Variants in SQSTM1 observed in about 807,000 individuals in gnomAD.
The protein encoded by SQSTM1 is sequestosome 1.
Under a neutral mutation model 45.1 loss-of-function variants are expected in SQSTM1, and 36 were observed. The observed-to-expected ratio is 0.80, with a 90% CI of 0.61 to 1.05. The LOEUF is 1.05. SQSTM1 is among the 50% of genes least tolerant of loss of function. The pLI is 0.00. For synonymous variants in SQSTM1, 290 were observed against 244.3 expected (o/e 1.19, Z -1.74); for missense variants, 617 against 607.1 (o/e 1.02, Z -0.17).
intron 4 of SQSTM1, among the ~76,000 whole-genome samples, chr5:179,824,608 G>A (rs1450526354): frequency 6.6e-6 from 1 of 152,214 alleles, no homozygotes; most frequent in Non-Finnish European, 1.5e-5. Flanking sequence ...CAGGCAGGGA[G>A]GCCCTTCCAG....
chr5:179,836,808 C>T lies in SQSTM1; in HGVS notation c.*215C>T. The T allele has an allele frequency of 1.3e-6, 1 of 754,254 alleles. No homozygotes were observed. The highest frequency in any genetic ancestry group is 2.2e-6 in the Non-Finnish European group (1 of 450,252). The allele number at this position is 754,254 out of a possible 1,614,324, so 46.7% of individuals were successfully genotyped here. A position where few individuals can be genotyped will look rare whatever the true frequency, so the allele number is the denominator to read the frequency against. On this transcript the variant is annotated 3_prime_UTR_variant, in exon 8 of 8. Coordinates refer to ENST00000389805, the MANE Select transcript of SQSTM1 (RefSeq NM_003900.5). ...TGATGTTTCCTGGGTGCCCTGGCTCCTTGCAGCAGGGCTGGGCCTGCGAGA... is the reference window on the plus strand; with the variant it reads ...TGATGTTTCCTGGGTGCCCTGGCTCTTTGCAGCAGGGCTGGGCCTGCGAGA...
intron 5 of SQSTM1, among the ~76,000 whole-genome samples, chr5:179,826,245 A>G (rs1246714015): frequency 2.7e-5 from 4 of 149,942 alleles, no homozygotes; most frequent in African/African-American, 9.8e-5. Flanking sequence ...GCTCACTGCA[A>G]CCTCCCCCTC....
intron 1 of SQSTM1, among the ~76,000 whole-genome samples, chr5:179,808,864 AT>A (rs113214299): frequency 2.1e-5 from 3 of 146,178 alleles, no homozygotes; most frequent in South Asian, 2.1e-4. Flanking sequence ...AGTTTATCTT[AT>A]TTTTTTTTTT....
chr5:179,837,121 C>T lies in SQSTM1; in HGVS notation c.*528C>T, dbSNP rs1758607777. On this transcript the variant is annotated 3_prime_UTR_variant, in exon 8 of 8. Coordinates refer to ENST00000389805, the MANE Select transcript of SQSTM1 (RefSeq NM_003900.5). ...TCCGCAATGTTGGTTTCACTGAGAG[C>T]TGCCTCCTGGTCTCTTCACCACTGT... is the stretch of plus-strand genomic sequence containing the variant. 6.1e-6 allele frequency: 7 copies of T among 1,141,290 alleles called. No homozygotes were observed. The highest frequency in any genetic ancestry group is 8.9e-6 in the Non-Finnish European group (7 of 787,764). 70.7% of individuals were successfully genotyped at this position (1,141,290 alleles called of 1,614,324 possible).
chr5:179,818,781 T>C (rs921343844), upstream of SQSTM1: 7 of 152,232 alleles, frequency 4.6e-5, no homozygotes, highest in African/African-American at 1.7e-4. Context: ...ATTTGAAAGA[T>C]GAGGAAATGA....
Position 179,833,237 on chromosome 5 carries a change from G to A in SQSTM1, c.960G>A (p.Gly320=), listed in dbSNP as rs769143668. 7.6e-6 allele frequency: 12 copies of A among 1,580,890 alleles called. No individual in the cohort carries two copies. The highest frequency in any genetic ancestry group is 1.0e-5 in the Non-Finnish European group (12 of 1,167,024). The change falls in exon 6 of 8, where the codon GGG becomes GGA. Residue 320 remains glycine (G), a synonymous_variant. Coordinates refer to ENST00000389805, the MANE Select transcript of SQSTM1 (RefSeq NM_003900.5). ...QMRKIALESE[G]RPEEQMESDN... ...GGAAGATCGCCTTGGAGTCCGAGGGGCGCCCTGAGGCAAGCCTGTGCCCCT... is the reference window on the plus strand; with the variant it reads ...GGAAGATCGCCTTGGAGTCCGAGGGACGCCCTGAGGCAAGCCTGTGCCCCT...
At chr5:179,816,161 CTTTGTTTTGT>C (rs552855181), upstream of SQSTM1, among the ~76,000 whole-genome samples, 1 of 152,044 alleles carries the variant, frequency 6.6e-6, no homozygotes, top group African/African-American at 2.4e-5. Context: ...AGAAGGTTTT[CTTTGTTTTGT>C]TTTGTTTTGT....
chr5:179,815,649 G>C (rs926378249), upstream of SQSTM1, among the ~76,000 whole-genome samples: 2 of 152,102 alleles, frequency 1.3e-5, no homozygotes. Context: ...CATTTCGTCC[G>C]CCAGCGTGGG....
At chr5:179,835,095 G>A (rs183857215) in intron 7 of SQSTM1, 8,344 of 212,106 alleles carry the variant, frequency 0.039, 340 homozygotes, top group African/African-American at 0.11. Context: ...ATGGGGTCGC[G>A]GCCAGGCAGA....
intron 5 of SQSTM1, among the ~76,000 whole-genome samples, chr5:179,826,645 G>A (rs1758002147): frequency 6.7e-6 from 1 of 148,966 alleles, no homozygotes; most frequent in African/African-American, 2.5e-5. Context: ...TTGTCGCCTA[G>A]GCTGGAGTGC....
chr5:179,823,977 A>G lies in SQSTM1; in HGVS notation c.421A>G (p.Lys141Glu). ...CNGPVVGTRY[K>E]CSVCPDYDLC... is the part of the protein sequence containing the mutation. The stretch of plus-strand genomic sequence containing the variant: ...TGGGCCTGTGGTAGGAACCCGCTAC[A>G]AGTGCAGCGTCTGCCCAGACTACGA... The change falls in exon 3 of 8, where the codon AAG becomes GAG. Residue 141 changes from lysine to glutamate, a missense_variant. By Grantham distance (56) the Lys-to-Glu change is moderately conservative (BLOSUM62 1). Transcript: ENST00000389805. 6.2e-7 allele frequency: 1 copy of G among 1,614,014 alleles called. No individual in the cohort carries two copies. Among genetic ancestry groups the G allele is most frequent in the Middle Eastern group, 1.6e-4 (1 of 6,062 alleles).
At chr5:179,832,800 T>C (rs1218201447) in intron 5 of SQSTM1, among the ~76,000 whole-genome samples, 1 of 152,002 alleles carries the variant, frequency 6.6e-6, no homozygotes, top group Non-Finnish European at 1.5e-5. Context: ...AGCCTCTGAC[T>C]CATGGGTTTG....
chr5:179,814,357 A>G (rs1757518467), upstream of SQSTM1, among the ~76,000 whole-genome samples: 1 of 152,206 alleles, frequency 6.6e-6, no homozygotes, highest in Non-Finnish European at 1.5e-5. Context: ...CACTGAGGTC[A>G]AGATGTCCTA....
At chr5:179,818,700 G>T (rs1394236929), upstream of SQSTM1, among the ~76,000 whole-genome samples, 5 of 152,284 alleles carry the variant, frequency 3.3e-5, no homozygotes, top group Non-Finnish European at 2.9e-5. Flanking sequence ...AGCCCCAAAA[G>T]CAGCTAAACA....
At chr5:179,828,621 G>A (rs913176244) in intron 5 of SQSTM1, among the ~76,000 whole-genome samples, 2 of 152,058 alleles carry the variant, frequency 1.3e-5, no homozygotes, top group South Asian at 2.1e-4. Context: ...TGATCTGCCC[G>A]CCTTGGCCTC....
At position 179,836,830 on chromosome 5, in the gene SQSTM1, G is replaced by A. The variant is rs1005313086; in HGVS notation, c.*237G>A. ...CTCCTTGCAGCAGGGCTGGGCCTGC[G>A]AGACCCAAGGCTCACTGCAGCGCGC... On this transcript the variant is annotated 3_prime_UTR_variant, in exon 8 of 8. Transcript: ENST00000389805. The A allele has an allele frequency of 4.4e-5, 30 of 677,634 alleles. No homozygotes were observed. The highest frequency in any genetic ancestry group is 4.1e-4 in the East Asian group (15 of 37,036). 42.0% of individuals were successfully genotyped at this position (677,634 alleles called of 1,614,324 possible).
intron 6 of SQSTM1, 79 bp from the exon 7 acceptor site, chr5:179,833,504 ACTGT>A: frequency 2.7e-6 from 4 of 1,476,906 alleles, no homozygotes; most frequent in Non-Finnish European, 3.8e-6. Flanking sequence ...GTGCTCCCCG[ACTGT>A]CTGCCAGGAG....
upstream of SQSTM1, chr5:179,820,050 G>A (rs1582001690): frequency 6.5e-6 from 1 of 152,984 alleles, no homozygotes; most frequent in East Asian, 1.9e-4. Context: ...CCTTGCCCCA[G>A]TTCTGGCGGA....
intron 1 of SQSTM1, among the ~76,000 whole-genome samples, chr5:179,811,388 G>A (rs1215568201): frequency 2.4e-5 from 1 of 41,802 alleles, no homozygotes; most frequent in African/African-American, 5.9e-5. Flanking sequence ...TGCAGGGGGA[G>A]GAGCTATGCA....
Sources: gnomAD v4.1 joint callset for allele counts (sites outside exome capture counted in the v4.1 genomes callset) on GRCh38, gnomAD v4.1.1 for gene constraint, MANE v1.5 for transcripts, NCBI Gene and HGNC (gene_info 2026-07-23, HGNC 2026-07-21) for gene names.